FSTL5: variants seen among roughly 807,000 people sequenced by gnomAD.
FSTL5 encodes follistatin-related protein 5.
In FSTL5, 62 loss-of-function variants were observed where a neutral mutation model predicts 89.1. That is an observed-to-expected ratio of 0.70 (90% CI 0.57 to 0.86). The LOEUF (loss-of-function observed/expected upper bound fraction) is 0.86, where lower values mean the gene tolerates loss of function less well. Among genes scored for constraint, FSTL5 ranks in the 40% least tolerant of loss-of-function variants. FSTL5 has a pLI of 0.00. For synonymous variants in FSTL5, 383 were observed against 346.2 expected, an observed-to-expected ratio of 1.11 and a Z score of -1.18; for missense variants, 1,057 against 1,001.6, an observed-to-expected ratio of 1.06 and a Z score of -0.75.
chr4:161,538,106 A>T, intron 10 of FSTL5, 60 bp downstream of exon 10: 1 of 1,537,690 alleles, frequency 6.5e-7, no homozygotes, highest in East Asian at 2.3e-5. Context: ...TTTTAAAAAA[A>T]GCTGTAAAAA....
chr4:161,872,304 G>T (rs1732299198), intron 4 of FSTL5, among the ~76,000 whole-genome samples: 1 of 151,866 alleles, frequency 6.6e-6, no homozygotes, highest in African/African-American at 2.4e-5. Flanking sequence ...AACTGATTTT[G>T]TTTGTAAATT....
chr4:161,410,161 C>T (rs999790623), intron 15 of FSTL5, among the ~76,000 whole-genome samples: 1 of 152,100 alleles, frequency 6.6e-6, no homozygotes, highest in Admixed American at 6.5e-5. Context: ...ATAAAAGGTA[C>T]AATCCACCAG....
intron 13 of FSTL5, among the ~76,000 whole-genome samples, chr4:161,473,080 C>G (rs557431251): frequency 1.3e-5 from 2 of 152,224 alleles, no homozygotes; most frequent in East Asian, 3.9e-4. Context: ...ATCATTTATC[C>G]TGGAAAATGT....
intron 7 of FSTL5, among the ~76,000 whole-genome samples, chr4:161,643,052 T>C (rs984346248): frequency 2.9e-4 from 44 of 152,322 alleles, no homozygotes; most frequent in African/African-American, 9.9e-4. Flanking sequence ...TAAGTCTTGT[T>C]CTAAATACAT....
At chr4:161,524,314 T>C (rs1392358967) in intron 10 of FSTL5, among the ~76,000 whole-genome samples, 1 of 152,062 alleles carries the variant, frequency 6.6e-6, no homozygotes, top group Non-Finnish European at 1.5e-5. Context: ...ATGTATTTCC[T>C]GAATGTGTTT....
intron 3 of FSTL5, among the ~76,000 whole-genome samples, chr4:162,025,550 C>A (rs1182928781): frequency 6.6e-6 from 1 of 151,964 alleles, no homozygotes; most frequent in Non-Finnish European, 1.5e-5. Flanking sequence ...TAGCACAGAG[C>A]ACATTTGAGC....
At chr4:161,562,916 T>C (rs1000923276) in intron 8 of FSTL5, among the ~76,000 whole-genome samples, 14 of 152,052 alleles carry the variant, frequency 9.2e-5, no homozygotes, top group African/African-American at 3.1e-4. Context: ...ATTTTGTAGT[T>C]GGCTTATTTC....
chr4:161,933,709 C>T lies in FSTL5; in HGVS notation c.161-13057G>A, dbSNP rs1396317380. 4.6e-5 allele frequency among the ~76,000 whole-genome samples: 7 copies of T among 151,308 alleles called. No individual in the cohort carries two copies. The South Asian group carries it at 6.2e-4, about 13-fold the overall frequency. ...AATCTTTGTCCCCTAAACCTCAACT[C>T]GTCTATCATTTTTATATTACCCTTA... On this transcript the variant is annotated intron_variant, in intron 3 of 15. Coordinates refer to ENST00000306100, the MANE Select transcript of FSTL5 (RefSeq NM_020116.5).
At chr4:161,816,218 A>G (rs1730321844) in intron 4 of FSTL5, among the ~76,000 whole-genome samples, 1 of 152,176 alleles carries the variant, frequency 6.6e-6, no homozygotes, top group Non-Finnish European at 1.5e-5. Context: ...ACAGGTGCAC[A>G]TATTAGTTAA....
In FSTL5 at chr4:161,713,941, A is replaced by G. The variant is rs557109136; in HGVS notation, c.727+45470T>C. Among the ~76,000 whole-genome samples the G allele has an allele frequency of 8.5e-5, 13 of 152,278 alleles. No homozygotes were observed. In the South Asian group the frequency reaches 1.9e-3, roughly 22 times the overall value. On this transcript the variant is annotated intron_variant, in intron 6 of 15. Coordinates refer to ENST00000306100, the MANE Select transcript of FSTL5 (RefSeq NM_020116.5). ...ATTGTTCCTCAAAAATATGCCCTTTACACTTTCAATTAGTATTCTTTACCC... is the reference window on the plus strand; with the variant it reads ...ATTGTTCCTCAAAAATATGCCCTTTGCACTTTCAATTAGTATTCTTTACCC...
intron 7 of FSTL5, among the ~76,000 whole-genome samples, chr4:161,592,677 T>C (rs1733864659): frequency 1.3e-5 from 2 of 152,206 alleles, no homozygotes; most frequent in Admixed American, 1.3e-4. Context: ...CTATCATTGA[T>C]GGGCATTTGG....
chr4:161,397,988 A>T (rs1731062880), intron 15 of FSTL5, among the ~76,000 whole-genome samples: 1 of 152,048 alleles, frequency 6.6e-6, no homozygotes, highest in African/African-American at 2.4e-5. Flanking sequence ...TAGCAACAAC[A>T]ATAAAGTGTG....
At chr4:161,763,078 G>A (rs901363977) in intron 5 of FSTL5, among the ~76,000 whole-genome samples, 12 of 151,938 alleles carry the variant, frequency 7.9e-5, no homozygotes, top group Admixed American at 3.9e-4. Context: ...TTGACCATCC[G>A]CAAAATGAAC....
chr4:161,467,516 T>C (rs1167201339), intron 13 of FSTL5, among the ~76,000 whole-genome samples: 1 of 152,176 alleles, frequency 6.6e-6, no homozygotes, highest in East Asian at 1.9e-4. Context: ...ATGATCAATT[T>C]ATAAAACAGA....
chr4:162,010,046 A>T (rs1330783770), intron 3 of FSTL5, among the ~76,000 whole-genome samples: 2 of 151,132 alleles, frequency 1.3e-5, no homozygotes, highest in African/African-American at 2.4e-5. Context: ...CACTATGAAC[A>T]TAAGTAGAGA....
At chr4:161,499,309 G>T (rs1167666385) in intron 12 of FSTL5, among the ~76,000 whole-genome samples, 1 of 152,032 alleles carries the variant, frequency 6.6e-6, no homozygotes, top group Admixed American at 6.6e-5. Context: ...TAATAATTTA[G>T]CCTATGGCTG....
intron 1 of FSTL5, among the ~76,000 whole-genome samples, chr4:162,149,492 T>A (rs1350923826): frequency 6.6e-6 from 1 of 150,574 alleles, no homozygotes; most frequent in Non-Finnish European, 1.5e-5. Context: ...AAAAAAAAAA[T>A]TAGTTCTGTG....
chr4:161,648,964 A>T (rs1334312714), intron 7 of FSTL5, among the ~76,000 whole-genome samples: 1 of 152,188 alleles, frequency 6.6e-6, no homozygotes, highest in African/African-American at 2.4e-5. Context: ...ATCTTCTATA[A>T]CTTATGGAAA....
At chr4:161,486,732 C>T (rs184426557) in intron 12 of FSTL5, among the ~76,000 whole-genome samples, 137 of 152,182 alleles carry the variant, frequency 9.0e-4, no homozygotes, top group Middle Eastern at 3.4e-3. Flanking sequence ...GAAATACAAC[C>T]GTCAACACAG....
Sources: allele counts gnomAD v4.1 joint callset (sites outside exome capture counted in the v4.1 genomes callset), GRCh38; gene constraint gnomAD v4.1.1; transcripts MANE v1.5; gene names NCBI Gene and HGNC (gene_info 2026-07-23, HGNC 2026-07-21).